Variants in ATM observed in about 807,000 individuals in gnomAD.
ATM encodes the protein ATM serine/threonine kinase, also known as serine-protein kinase ATM.
A neutral mutation model predicts 387.0 loss-of-function variants in ATM; 308 were observed. The ratio of observed to expected loss-of-function variants is 0.80; its 90% confidence interval spans 0.73 to 0.87. The LOEUF (loss-of-function observed/expected upper bound fraction) is 0.87, where lower values mean the gene tolerates loss of function less well. ATM is among the 40% of genes least tolerant of loss of function. ATM has a pLI of 0.00. For synonymous variants in ATM, 1,156 were observed against 1,187.3 expected (o/e 0.97, Z 0.54); for missense variants, 3,312 against 3,560.9 (o/e 0.93, Z 1.78).
chr11:108,297,239 T>G (rs1565469540), intron 32 of ATM, 48 bp from the exon 33 acceptor site: 1 of 1,451,830 alleles, frequency 6.9e-7, no homozygotes. Flanking sequence ...TAAACAAAAG[T>G]GTTGTCTTCA....
intron 16 of ATM, among the ~76,000 whole-genome samples, chr11:108,264,442 C>T (rs1406719954): frequency 5.9e-5 from 9 of 152,040 alleles, no homozygotes; most frequent in Non-Finnish European, 7.4e-5. Context: ...CCCTTCATGC[C>T]AAAAACTCTG....
chr11:108,282,039 C>T (rs998357610), intron 24 of ATM, among the ~76,000 whole-genome samples: 3 of 152,114 alleles, frequency 2.0e-5, no homozygotes, highest in Non-Finnish European at 2.9e-5. Context: ...GATCATGGCT[C>T]ACTGCAGTCT....
At position 108,365,335 on chromosome 11, in the gene ATM, CAG is replaced by C. The variant is rs876660022; in HGVS notation, c.9001_9002del (p.Ser3001PhefsTer6). On this transcript the variant is annotated frameshift_variant, in exon 63 of 63. Transcript: ENST00000675843. LOFTEE classifies it high-confidence loss of function. ...TGTTTTTGTCCTTAGTGATATTGAC[CAG>C]AGTTTCAACAAAGTAGCTGAACGTG... Reference protein sequence around the residue: ...ECKRNLSDIDQSFNKVAERVL... With the variant: ...ECKRNLSDIDXSFNKVAERVL... 1 of 1,614,144 alleles carries C rather than the reference CAG, an allele frequency of 6.2e-7. No individual in the cohort carries two copies. The highest frequency in any genetic ancestry group is 8.5e-7 in the Non-Finnish European group (1 of 1,180,036).
chr11:108,288,624 TTAAAG>T (rs2082620959), intron 27 of ATM, among the ~76,000 whole-genome samples: 2 of 151,982 alleles, frequency 1.3e-5, no homozygotes, highest in South Asian at 4.2e-4. Flanking sequence ...TTGCCATGTC[TTAAAG>T]TACTGCTTTT....
At chr11:108,242,186 T>C (rs2135200938) in intron 5 of ATM, among the ~76,000 whole-genome samples, 1 of 152,260 alleles carries the variant, frequency 6.6e-6, no homozygotes, top group African/African-American at 2.4e-5. Context: ...TGAGATCTAA[T>C]TGCAGATCCT....
intron 45 of ATM, among the ~76,000 whole-genome samples, chr11:108,324,137 A>G (rs2085431680): frequency 6.6e-6 from 1 of 152,190 alleles, no homozygotes; most frequent in Non-Finnish European, 1.5e-5. Flanking sequence ...GTAATTAGAG[A>G]TTTATGTATA....
rs1004645337 is a variant in ATM at position 108,233,656 on chromosome 11, G to C, written c.332-2014G>C. Among the ~76,000 whole-genome samples, 3 of 151,450 alleles carry C rather than the reference G, an allele frequency of 2.0e-5. No individual in the cohort carries two copies. In the South Asian group the frequency reaches 6.3e-4, roughly 32 times the overall value. On this transcript the variant is annotated intron_variant, in intron 4 of 62. Coordinates refer to ENST00000675843, the MANE Select transcript of ATM (RefSeq NM_000051.4). ...GATCCCAGAAGTTTGAGACCAACCT[G>C]GGCAACATAGGGAGACCCCATCTTT...
At chr11:108,313,167 A>T (rs545101869) in intron 40 of ATM, among the ~76,000 whole-genome samples, 1 of 152,302 alleles carries the variant, frequency 6.6e-6, no homozygotes, top group Admixed American at 6.5e-5. Context: ...TCTATTTGAG[A>T]CTAATTCTTC....
Position 108,227,896 on chromosome 11 carries a change from A to G in ATM, c.185+8A>G, listed in dbSNP as rs753891198. ...TTGGGATGCTGTTTTTAGGTATTCT[A>G]TTCAAATTTATTTTACTGTCTTTAT... On this transcript the variant is annotated splice_region_variant and intron_variant, in intron 3 of 62. Coordinates refer to ENST00000675843, the MANE Select transcript of ATM (RefSeq NM_000051.4). The G allele has an allele frequency of 9.4e-6, 15 of 1,590,218 alleles. No homozygotes were observed. The highest frequency in any genetic ancestry group is 1.9e-4 in the Middle Eastern group (1 of 5,158).
At chr11:108,353,082 T>C (rs2089408013) in intron 59 of ATM, among the ~76,000 whole-genome samples, 3 of 152,276 alleles carry the variant, frequency 2.0e-5, no homozygotes, top group East Asian at 3.9e-4. Context: ...GGAAAAGGCA[T>C]AAGGGATGAT....
chr11:108,235,508 A>T (rs1290172139), intron 4 of ATM, among the ~76,000 whole-genome samples, 162 bp from the exon 5 acceptor site: 1 of 151,994 alleles, frequency 6.6e-6, no homozygotes, highest in African/African-American at 2.4e-5. Context: ...AAAGAAAAAA[A>T]AAATGAATTT....
chr11:108,239,282 G>A (rs2079445217), intron 5 of ATM, among the ~76,000 whole-genome samples: 1 of 152,184 alleles, frequency 6.6e-6, no homozygotes. Context: ...CACAATGCTG[G>A]CACCTGAGCT....
In ATM at chr11:108,292,775, G is replaced by A. The variant is rs1591674814; in HGVS notation, c.4593G>A (p.Gln1531=). The A allele has an allele frequency of 1.2e-6, 2 of 1,613,914 alleles. No individual in the cohort carries two copies. The highest frequency in any genetic ancestry group is 1.7e-6 in the Non-Finnish European group (2 of 1,179,926). ...VGTLIPLVYE[Q]VEVQKQVLDL... The stretch of plus-strand genomic sequence containing the variant: ...CACTTATACCCCTTGTGTATGAGCA[G>A]GTGGAGGTTCAGAAACAGGTAATTT... Residue 1531 remains glutamine, a synonymous_variant, in exon 30 of 63, where the codon CAG becomes CAA. Transcript: ENST00000675843.
chr11:108,224,145 T>G (rs1171774103), intron 1 of ATM: 1 of 152,244 alleles, frequency 6.6e-6, no homozygotes, highest in Non-Finnish European at 1.5e-5. Flanking sequence ...AGGTAGGTAC[T>G]AGTATTGTTT....
chr11:108,295,147 C>G (rs2135841043), intron 32 of ATM, 88 bp downstream of exon 32: 4 of 1,529,976 alleles, frequency 2.6e-6, no homozygotes, highest in South Asian at 1.1e-5. Context: ...TTCATTGTCA[C>G]AGACTTAGTT....
rs1800059 is a variant in ATM at position 108,299,779 on chromosome 11, A to C, written c.5071A>C (p.Ser1691Arg). The C allele has an allele frequency of 2.0e-3, 3,240 of 1,614,054 alleles. 6 individuals are homozygous for C. The highest frequency in any genetic ancestry group is 2.4e-3 in the Non-Finnish European group (2,878 of 1,179,944). ...TTTCTCTACCATAGCTATACAACAT[A>C]GTAAAGATGCATCTTATACCAAGGC... ...IDFSTIAIQH[S>R]KDASYTKALK... The change falls in exon 34 of 63, where the codon AGT becomes CGT. Residue 1691 changes from serine to arginine, a missense_variant. Physicochemically the swap from Ser to Arg is moderately radical, Grantham distance 110. Around this residue, in one of 4 missense-constraint regions of ATM, gnomAD observed 1,405 missense variants for 1,604.4 expected, o/e 0.88. Transcript: ENST00000675843.
intron 36 of ATM, 48 bp from the exon 37 acceptor site, chr11:108,304,627 T>A: frequency 6.4e-7 from 1 of 1,560,342 alleles, no homozygotes; most frequent in Non-Finnish European, 8.8e-7. Flanking sequence ...GTATTAATTT[T>A]ACTCATTTTT....
chr11:108,241,742 C>CTTTTTTTTTTTTTTTTTTTTTTTTTTTT (rs1206745957), intron 5 of ATM, among the ~76,000 whole-genome samples: 8 of 45,366 alleles, frequency 1.8e-4, no homozygotes, highest in African/African-American at 2.9e-4. Context: ...TTCTTTCTTT[C>CTTTTTTTTTTTTTTTTTTTTTTTTTTTT]TTTTTTTTTT....
Position 108,252,920 on chromosome 11 carries a change from A to C in ATM, c.1898+8A>C. On this transcript the variant is annotated splice_region_variant and intron_variant, in intron 12 of 62. Coordinates refer to ENST00000675843, the MANE Select transcript of ATM (RefSeq NM_000051.4). ...CCAAAGCGTGCCAGAATGGTATGTT[A>C]TCTAATAATGCTCTTTATCATTTTA... is the stretch of plus-strand genomic sequence containing the variant. The C allele has an allele frequency of 6.3e-7, 1 of 1,591,384 alleles. No homozygotes were observed. Among genetic ancestry groups the C allele is most frequent in the Non-Finnish European group, 8.6e-7 (1 of 1,160,148 alleles).
Sources: gnomAD v4.1 joint callset for allele counts (sites outside exome capture counted in the v4.1 genomes callset) on GRCh38, gnomAD v4.1.1 for gene constraint, gnomAD v4.1.1 regional missense constraint, MANE v1.5 for transcripts, NCBI Gene and HGNC (gene_info 2026-07-23, HGNC 2026-07-21) for gene names.